The following CSMD1 variants were observed in gnomAD, a reference collection of about 807,000 sequenced individuals.
CSMD1 encodes CUB and sushi domain-containing protein 1.
In CSMD1, 213 loss-of-function variants were observed where a neutral mutation model predicts 417.5. That is an observed-to-expected ratio of 0.51 (90% CI 0.46 to 0.57). The LOEUF is 0.57. Ranked by LOEUF, CSMD1 falls within the 20% of genes least tolerant of loss-of-function variation. The pLI, the probability that CSMD1 is intolerant of heterozygous loss-of-function variation, is 0.00. For missense variants in CSMD1, 6,923 were observed against 4,529.7 expected (o/e 1.53, Z -15.17); for synonymous variants, 2,862 against 1,736.8 (o/e 1.65, Z -16.11).
chr8:3,735,299 G>T (rs370438973), intron 6 of CSMD1, among the ~76,000 whole-genome samples: 1 of 132,986 alleles, frequency 7.5e-6, no homozygotes, highest in Non-Finnish European at 1.7e-5. Context: ...TATATGGCAA[G>T]ATAAAAAACA....
rs1229235285 is a variant in CSMD1, at chr8:3,133,297, C to T, written c.6241+9168G>A. On this transcript the variant is annotated intron_variant, in intron 41 of 69. Transcript: ENST00000635120. ...CCCGCCTGCTCTTTCTATCTCACTG[C>T]TCTCTCAACAGGAGGCTACTTTCCA... 3.3e-5 allele frequency among the ~76,000 whole-genome samples: 5 copies of T among 152,200 alleles called. No homozygotes were observed. In the East Asian group the frequency reaches 5.8e-4, roughly 18 times the overall value.
At chr8:3,915,310 G>A (rs925534791) in intron 5 of CSMD1, among the ~76,000 whole-genome samples, 20 of 149,678 alleles carry the variant, frequency 1.3e-4, no homozygotes, top group Admixed American at 6.7e-5. Flanking sequence ...GGAGTCTAAG[G>A]CAGGAGAATC....
intron 3 of CSMD1, among the ~76,000 whole-genome samples, chr8:4,291,556 T>C (rs1294479110): frequency 6.6e-6 from 1 of 152,208 alleles, no homozygotes; most frequent in Non-Finnish European, 1.5e-5. Flanking sequence ...AATTGCTTAG[T>C]GTAGAAATTT....
Position 3,605,120 on chromosome 8 carries a change from G to A in CSMD1, c.1097+11590C>T, listed in dbSNP as rs559503421. Among the ~76,000 whole-genome samples, 16 of 152,130 alleles carry A rather than the reference G, an allele frequency of 1.1e-4. No homozygotes were observed. In the East Asian group the frequency reaches 1.9e-3, roughly 18 times the overall value. ...AGTGATTCTCCTGCCTCAGCCTCCC[G>A]AGTAGCTGGGACTACAGGCGCATGC... On this transcript the variant is annotated intron_variant, in intron 8 of 69. Transcript: ENST00000635120.
chr8:3,379,670 G>A (rs571158209), intron 18 of CSMD1, among the ~76,000 whole-genome samples: 19 of 152,264 alleles, frequency 1.2e-4, no homozygotes, highest in South Asian at 1.0e-3. Flanking sequence ...TTTAATAAAT[G>A]GTGTTGGGAA....
intron 37 of CSMD1, among the ~76,000 whole-genome samples, chr8:3,167,145 C>G (rs780502444): frequency 6.6e-6 from 1 of 151,956 alleles, no homozygotes; most frequent in Non-Finnish European, 1.5e-5. Context: ...ATTAGCCAGG[C>G]GTGGTGGCAT....
chr8:3,148,126 T>A (rs77754538), intron 40 of CSMD1, among the ~76,000 whole-genome samples: 1 of 152,180 alleles, frequency 6.6e-6, no homozygotes, highest in African/African-American at 2.4e-5. Flanking sequence ...AGAATCACTT[T>A]ATGGTTTGGG....
At chr8:4,374,959 G>GGTGT (rs1337916893) in intron 3 of CSMD1, among the ~76,000 whole-genome samples, 2 of 116,574 alleles carry the variant, frequency 1.7e-5, no homozygotes, top group African/African-American at 5.8e-5. Flanking sequence ...ACAAAGGTGG[G>GGTGT]GTGGGGGGGG....
chr8:3,373,850 C>A (rs1810134117), intron 18 of CSMD1: 2 of 152,060 alleles, frequency 1.3e-5, no homozygotes, highest in Non-Finnish European at 2.9e-5. Flanking sequence ...CATTAGAAAT[C>A]TTTTGGATGG....
chr8:3,936,014 G>A (rs1236754493), intron 5 of CSMD1, among the ~76,000 whole-genome samples: 4 of 152,108 alleles, frequency 2.6e-5, no homozygotes, highest in Admixed American at 6.6e-5. Flanking sequence ...GATAAGAAAG[G>A]AAAACAGCCT....
chr8:3,680,954 C>T (rs201858983), intron 7 of CSMD1, among the ~76,000 whole-genome samples: 20 of 152,098 alleles, frequency 1.3e-4, no homozygotes, highest in Non-Finnish European at 1.8e-4. Flanking sequence ...ATTATCTCAA[C>T]AGATGCAGAA....
chr8:4,743,290 T>C (rs750904145), intron 1 of CSMD1, among the ~76,000 whole-genome samples: 4 of 152,154 alleles, frequency 2.6e-5, no homozygotes, highest in Non-Finnish European at 5.9e-5. Context: ...AAACAAGAAA[T>C]ATCCTCAGGT....
chr8:3,775,159 G>T (rs553469823), intron 5 of CSMD1, among the ~76,000 whole-genome samples: 1 of 152,184 alleles, frequency 6.6e-6, no homozygotes, highest in African/African-American at 2.4e-5. Context: ...AGGAACTACT[G>T]TATTTCTTTA....
intron 1 of CSMD1, among the ~76,000 whole-genome samples, chr8:4,717,466 A>G (rs1223514233): frequency 6.6e-6 from 1 of 151,634 alleles, no homozygotes; most frequent in Non-Finnish European, 1.5e-5. Context: ...ATATATATAT[A>G]TATACACACA....
chr8:4,700,722 C>A (rs748404172), intron 1 of CSMD1, among the ~76,000 whole-genome samples: 12 of 152,018 alleles, frequency 7.9e-5, no homozygotes, highest in Non-Finnish European at 1.6e-4. Flanking sequence ...AAATTATATC[C>A]ATAAAGTCAG....
chr8:3,818,516 T>A (rs17067649), intron 5 of CSMD1, among the ~76,000 whole-genome samples: 1,642 of 152,168 alleles, frequency 0.011, 30 homozygotes, highest in African/African-American at 0.037. Flanking sequence ...AACTGCAGAT[T>A]AGACCAGGGT....
chr8:3,192,333 G>A (rs1204732085), intron 33 of CSMD1, among the ~76,000 whole-genome samples: 3 of 152,152 alleles, frequency 2.0e-5, no homozygotes, highest in Non-Finnish European at 4.4e-5. Flanking sequence ...TGTAGGTGTT[G>A]GAATATTTGC....
At position 3,307,805 on chromosome 8, in the gene CSMD1, C is replaced by G; in HGVS notation, c.3840G>C (p.Gln1280His). ...TTCGTCCTGATGTGGCTGCATGGAT[C>G]TGACCACCACATTCCGCTGTAGAAG... ...LPSCIAECGG[Q>H]IHAATSGRIL... The change falls in exon 25 of 70, where the codon CAG becomes CAC. Residue 1280 changes from glutamine to histidine, a missense_variant. By Grantham distance (24) the Gln-to-His change is conservative. Transcript: ENST00000635120. 1 of 1,613,142 alleles carries G rather than the reference C, an allele frequency of 6.2e-7. No individual in the cohort carries two copies. Among genetic ancestry groups the G allele is most frequent in the African/African-American group, 1.3e-5 (1 of 75,014 alleles).
At chr8:4,526,349 C>G (rs4875356) in intron 2 of CSMD1, among the ~76,000 whole-genome samples, 46,421 of 152,130 alleles carry the variant, frequency 0.31, 7,786 homozygotes, top group Non-Finnish European at 0.36. Context: ...GTATTAGGTT[C>G]ACGCTGACCA....
Sources: allele counts gnomAD v4.1 joint callset (sites outside exome capture counted in the v4.1 genomes callset), GRCh38; gene constraint gnomAD v4.1.1; transcripts MANE v1.5; gene names NCBI Gene and HGNC (gene_info 2026-07-23, HGNC 2026-07-21).